CTNNA3: variants seen among roughly 807,000 people sequenced by gnomAD.
CTNNA3 encodes catenin alpha 3.
CTNNA3 carries 76 observed loss-of-function variants against 95.7 expected under a neutral mutation model. That is an observed-to-expected ratio of 0.79 (90% CI 0.66 to 0.96). CTNNA3 has a LOEUF of 0.96. CTNNA3 is among the 40% of genes least tolerant of loss of function. CTNNA3 has a pLI of 0.00. For synonymous variants in CTNNA3, 431 were observed against 374.4 expected, an observed-to-expected ratio of 1.15 and a Z score of -1.74; for missense variants, 1,191 against 1,089.8, an observed-to-expected ratio of 1.09 and a Z score of -1.31.
chr10:66,612,533 A>G (rs1844362851), intron 10 of CTNNA3, among the ~76,000 whole-genome samples: 1 of 152,050 alleles, frequency 6.6e-6, no homozygotes, highest in African/African-American at 2.4e-5. Flanking sequence ...AAATGTGTGA[A>G]GGCACTTTTG....
At chr10:67,524,938 C>A (rs1446491696) in intron 4 of CTNNA3, among the ~76,000 whole-genome samples, 3 of 152,182 alleles carry the variant, frequency 2.0e-5, no homozygotes, top group African/African-American at 7.2e-5. Flanking sequence ...AAACAAACCT[C>A]CAAGATTTTC....
At chr10:66,312,048 AAG>A (rs935670704) in intron 12 of CTNNA3, among the ~76,000 whole-genome samples, 1 of 152,230 alleles carries the variant, frequency 6.6e-6, no homozygotes, top group African/African-American at 2.4e-5. Flanking sequence ...GGGTGTGCCT[AAG>A]AGCTTTTGTA....
intron 12 of CTNNA3, among the ~76,000 whole-genome samples, chr10:66,358,720 G>A (rs1252906397): frequency 5.9e-5 from 9 of 152,074 alleles, no homozygotes; most frequent in African/African-American, 1.9e-4. Flanking sequence ...ATTAAATCAA[G>A]TTCAGTATAA....
At chr10:66,354,995 G>C (rs2092597891) in intron 12 of CTNNA3, among the ~76,000 whole-genome samples, 1 of 152,088 alleles carries the variant, frequency 6.6e-6, no homozygotes, top group African/African-American at 2.4e-5. Flanking sequence ...TCAGACATCT[G>C]CAACTAATAT....
intron 11 of CTNNA3, among the ~76,000 whole-genome samples, chr10:66,461,549 C>T (rs10997145): frequency 1.3e-5 from 2 of 151,476 alleles, no homozygotes; most frequent in African/African-American, 4.9e-5. Context: ...TTGGGTAGTG[C>T]GTCAATAAGA....
At chr10:66,222,278 A>C in intron 13 of CTNNA3, among the ~76,000 whole-genome samples, 1 of 152,120 alleles carries the variant, frequency 6.6e-6, no homozygotes, top group East Asian at 1.9e-4. Context: ...ACCCACCCCT[A>C]CACAGCGTAT....
chr10:66,456,887 A>T (rs1008889459), intron 11 of CTNNA3, among the ~76,000 whole-genome samples: 1 of 152,156 alleles, frequency 6.6e-6, no homozygotes, highest in Non-Finnish European at 1.5e-5. Context: ...TGAGCCCAGA[A>T]GTTCAAGACC....
At chr10:66,835,057 A>G (rs2132331246) in intron 7 of CTNNA3, among the ~76,000 whole-genome samples, 1 of 152,316 alleles carries the variant, frequency 6.6e-6, no homozygotes, top group South Asian at 2.1e-4. Flanking sequence ...CAAAGTACTA[A>G]GCCTGTAAAA....
At chr10:67,068,244 A>G (rs144894970) in intron 7 of CTNNA3, among the ~76,000 whole-genome samples, 1,618 of 152,294 alleles carry the variant, frequency 0.011, 23 homozygotes, top group African/African-American at 0.036. Context: ...ATGTGGAAAG[A>G]GGAAAGGGAG....
chr10:66,863,159 T>C (rs746900304), intron 7 of CTNNA3, among the ~76,000 whole-genome samples: 7 of 150,256 alleles, frequency 4.7e-5, no homozygotes, highest in Non-Finnish European at 1.0e-4. Flanking sequence ...TTAGCCTCCA[T>C]AATCACATGA....
intron 7 of CTNNA3, among the ~76,000 whole-genome samples, chr10:66,878,284 C>T (rs148813713): frequency 1.5e-4 from 23 of 152,132 alleles, no homozygotes; most frequent in Admixed American, 9.2e-4. Context: ...GTTCTAAATC[C>T]GGCTCACGGC....
chr10:66,924,958 T>C (rs973469327), intron 7 of CTNNA3, among the ~76,000 whole-genome samples: 8 of 152,204 alleles, frequency 5.3e-5, no homozygotes, highest in African/African-American at 1.2e-4. Context: ...TACGCTGCCT[T>C]AGTTTTTATA....
intron 3 of CTNNA3, among the ~76,000 whole-genome samples, chr10:67,594,881 CCT>C (rs1444153124): frequency 1.3e-5 from 2 of 152,028 alleles, no homozygotes; most frequent in African/African-American, 2.4e-5. Context: ...CCTCACCCCA[CCT>C]CCCACCCTTT....
rs200010136 is a variant in CTNNA3 at position 66,657,038 on chromosome 10, GGTCA to G, written c.1282-35258_1282-35255del. On this transcript the variant is annotated intron_variant, in intron 9 of 17. Transcript: ENST00000433211. Reference sequence around the variant, plus strand: ...AATTTGAAGTTTTTCTCTGAGTAGAGGTCAGTGTTTCTGATGCAGTGCCAGTTTT... The same window carrying G: ...AATTTGAAGTTTTTCTCTGAGTAGAGGTGTTTCTGATGCAGTGCCAGTTTT... Among the ~76,000 whole-genome samples, 35 of 152,140 alleles carry G rather than the reference GGTCA, an allele frequency of 2.3e-4. 1 individual carries two copies. In the East Asian group the frequency reaches 6.6e-3, roughly 29 times the overall value.
chr10:66,996,881 C>G (rs1200471975), intron 7 of CTNNA3, among the ~76,000 whole-genome samples: 2 of 152,042 alleles, frequency 1.3e-5, no homozygotes, highest in African/African-American at 4.8e-5. Context: ...AAATGTTCAG[C>G]AATTATCCAC....
rs148682973 is a variant in CTNNA3 at position 67,515,549 on chromosome 10, T to G, written c.579+6293A>C. On this transcript the variant is annotated intron_variant, in intron 5 of 17. Transcript: ENST00000433211. ...TTTTTTATACCTGTGCAATAAATTT[T>G]TAAATGATGTCTGAAATGCTTTGAA... Among the ~76,000 whole-genome samples the G allele has an allele frequency of 1.3e-3, 198 of 152,364 alleles. 1 individual carries two copies. The highest frequency in any genetic ancestry group is 4.4e-3 in the African/African-American group (182 of 41,598).
At chr10:66,879,172 A>C (rs1028061918) in intron 7 of CTNNA3, among the ~76,000 whole-genome samples, 3 of 152,098 alleles carry the variant, frequency 2.0e-5, no homozygotes, top group African/African-American at 7.2e-5. Flanking sequence ...TTGTGCTGTT[A>C]CCTGTGTAGC....
chr10:66,291,762 G>A (rs2091684175), intron 12 of CTNNA3, among the ~76,000 whole-genome samples: 1 of 151,188 alleles, frequency 6.6e-6, no homozygotes, highest in Non-Finnish European at 1.5e-5. Context: ...ATATATATCT[G>A]TCTGTATATA....
intron 10 of CTNNA3, among the ~76,000 whole-genome samples, chr10:66,569,260 C>G (rs199576170): frequency 6.6e-6 from 1 of 152,090 alleles, no homozygotes; most frequent in African/African-American, 2.4e-5. Context: ...GCTGCGCCAG[C>G]CTTTTGCTTT....
Sources: gnomAD v4.1 joint callset for allele counts (sites outside exome capture counted in the v4.1 genomes callset) on GRCh38, gnomAD v4.1.1 for gene constraint, MANE v1.5 for transcripts, NCBI Gene and HGNC (gene_info 2026-07-23, HGNC 2026-07-21) for gene names.